The following PCDH7 variants were observed in gnomAD, a reference collection of about 807,000 sequenced individuals.
PCDH7 encodes the protein protocadherin-7.
Under a neutral mutation model 58.9 loss-of-function variants are expected in PCDH7, and 17 were observed. The ratio of observed to expected loss-of-function variants is 0.29; its 90% CI spans 0.20 to 0.43. The LOEUF (loss-of-function observed/expected upper bound fraction) is 0.43. Among genes scored for constraint, PCDH7 ranks in the 20% least tolerant of loss-of-function variants. The pLI is 1.00. For synonymous variants in PCDH7, 664 were observed against 616.4 expected (o/e 1.08, Z -1.14); for missense variants, 1,274 against 1,441.0 (o/e 0.88, Z 1.88).
At chr4:31,079,364 A>ATG in intron 3 of PCDH7, among the ~76,000 whole-genome samples, 1 of 93,208 alleles carries the variant, frequency 1.1e-5, no homozygotes, top group Non-Finnish European at 2.1e-5. Flanking sequence ...ATATATATAT[A>ATG]CACCACATTT....
intron 3 of PCDH7, among the ~76,000 whole-genome samples, chr4:31,088,125 A>T (rs1712715880): frequency 1.3e-5 from 2 of 152,142 alleles, no homozygotes; most frequent in African/African-American, 4.8e-5. Flanking sequence ...TATATTGTTT[A>T]TTCAAAAAGC....
intron 2 of PCDH7, among the ~76,000 whole-genome samples, chr4:30,942,280 TTG>T (rs1397046031): frequency 6.6e-6 from 1 of 152,000 alleles, no homozygotes; most frequent in Non-Finnish European, 1.5e-5. Context: ...CTACATTGAA[TTG>T]TGTTAGTAAA....
chr4:30,806,558 C>T (rs567399499), intron 1 of PCDH7, among the ~76,000 whole-genome samples: 1 of 151,978 alleles, frequency 6.6e-6, no homozygotes, highest in African/African-American at 2.4e-5. Context: ...CCTGCCTCGG[C>T]TTCCCAAAGT....
intron 3 of PCDH7, among the ~76,000 whole-genome samples, chr4:31,090,706 AT>A (rs1293599643): frequency 2.0e-5 from 3 of 152,066 alleles, no homozygotes; most frequent in African/African-American, 7.2e-5. Flanking sequence ...CAACTTTCAT[AT>A]ATTTTGATCA....
chr4:30,808,281 T>G (rs965543438), intron 1 of PCDH7, among the ~76,000 whole-genome samples: 3 of 152,362 alleles, frequency 2.0e-5, no homozygotes, highest in Admixed American at 1.3e-4. Flanking sequence ...GTAATTTTTC[T>G]TAATGGATTT....
chr4:30,968,314 ATACAC>A (rs1283410621), intron 3 of PCDH7, among the ~76,000 whole-genome samples: 1,529 of 62,556 alleles, frequency 0.024, 76 homozygotes, highest in Admixed American at 0.071. Context: ...ATATATATAT[ATACAC>A]TATATATATA....
At position 31,117,332 on chromosome 4, in the gene PCDH7, T is replaced by C. The variant is rs559156095; in HGVS notation, c.*8-25141T>C. On this transcript the variant is annotated intron_variant, in intron 3 of 3. Transcript: ENST00000509759. ...CATGATTCCAAGTCAATTCAGCAAA[T>C]GGGTGCTGTACCCTAGAGCTTTTTT... is the stretch of plus-strand genomic sequence containing the variant. Among the ~76,000 whole-genome samples, 103 of 152,306 alleles carry C rather than the reference T, an allele frequency of 6.8e-4. 1 individual carries two copies. Among genetic ancestry groups the C allele is most frequent in the African/African-American group, 2.3e-3 (97 of 41,576 alleles).
intron 1 of PCDH7, among the ~76,000 whole-genome samples, chr4:30,773,442 A>C (rs925167705): frequency 6.6e-6 from 1 of 152,070 alleles, no homozygotes; most frequent in Non-Finnish European, 1.5e-5. Context: ...ACCTCTCATA[A>C]TCATACATTG....
At chr4:31,033,439 G>A (rs372301255) in intron 3 of PCDH7, among the ~76,000 whole-genome samples, 35 of 152,266 alleles carry the variant, frequency 2.3e-4, no homozygotes, top group Admixed American at 5.9e-4. Flanking sequence ...ATAACAAAAT[G>A]GAGTAAGAGG....
intron 1 of PCDH7, among the ~76,000 whole-genome samples, chr4:30,872,274 G>A (rs1240154022): frequency 6.6e-6 from 1 of 151,924 alleles, no homozygotes; most frequent in Non-Finnish European, 1.5e-5. Context: ...CTTAGACCAG[G>A]GATCAGAAAA....
At chr4:30,746,876 C>T (rs1467796517) in intron 1 of PCDH7, among the ~76,000 whole-genome samples, 1 of 152,042 alleles carries the variant, frequency 6.6e-6, no homozygotes, top group African/African-American at 2.4e-5. Flanking sequence ...ATCTAGAAAA[C>T]CATAAATAGG....
rs988318887 is a variant in PCDH7, at chr4:30,722,488, C to G, written c.1066C>G (p.Arg356Gly). The stretch of plus-strand genomic sequence containing the variant: ...CGGGGCGGCCACCGAGTCGGTGAGG[C>G]GGCTGCTGCGCCTTGACGAGACGTC... The change falls in exon 1 of 2, where the codon CGG (arginine) becomes GGG (glycine). Residue 356 changes from arginine to glycine, a missense_variant. Arg to Gly is a moderately radical substitution (Grantham distance 125). Around this residue, in one of 3 missense-constraint regions of PCDH7, gnomAD observed 331 missense variants for 303.2 expected, o/e 1.09. Coordinates refer to ENST00000361762, the Ensembl canonical transcript of PCDH7. The surrounding 1 kb of genome is among the most constrained non-coding windows in gnomAD (Gnocchi z 7.6). 10 of 1,608,786 alleles carry G rather than the reference C, an allele frequency of 6.2e-6. No homozygotes were observed. The highest frequency in any genetic ancestry group is 1.7e-5 in the Admixed American group (1 of 59,604).
At chr4:31,100,584 A>G (rs1714773253) in intron 3 of PCDH7, among the ~76,000 whole-genome samples, 1 of 152,184 alleles carries the variant, frequency 6.6e-6, no homozygotes, top group Non-Finnish European at 1.5e-5. Context: ...TATCTTAGGA[A>G]CAATCTGGTT....
In PCDH7 at chr4:30,722,780, G is replaced by A; in HGVS notation, c.1358G>A (p.Gly453Asp). 6.2e-7 allele frequency: 1 copy of A among 1,613,630 alleles called. No homozygotes were observed. The highest frequency in any genetic ancestry group is 1.6e-4 in the Middle Eastern group (1 of 6,062). Residue 453 changes from glycine to aspartate, a missense_variant, in exon 1 of 2, where the codon GGC (glycine) becomes GAC (aspartate). By Grantham distance (94) the Gly-to-Asp change is moderately conservative. Around this residue, in one of 3 missense-constraint regions of PCDH7, gnomAD observed 731 missense variants for 881.9 expected, o/e 0.83. Coordinates refer to ENST00000361762, the Ensembl canonical transcript of PCDH7. The surrounding 1 kb of genome is among the most constrained non-coding windows in gnomAD (Gnocchi z 7.6). ...GTGCAGGTGTCCGACCGAGACCAAG[G>A]CGAGAACGGGGTGGTCACCTGCACC...
intron 1 of PCDH7, among the ~76,000 whole-genome samples, chr4:30,859,193 TG>T (rs1243994687): frequency 6.6e-6 from 1 of 152,196 alleles, no homozygotes; most frequent in Non-Finnish European, 1.5e-5. Flanking sequence ...TCTAAAACTG[TG>T]GTTTTCATCC....
At chr4:31,146,427 T>C (rs560405656), downstream of PCDH7, 3 of 152,182 alleles carry the variant, frequency 2.0e-5, no homozygotes, top group South Asian at 6.2e-4. Context: ...TCTTGTGAGT[T>C]GTGACCTAGG....
In PCDH7 at chr4:31,142,534, T is replaced by C. The variant is rs757138517; in HGVS notation, c.*69T>C. ...AGTGCACTCGTGAGTGTGATGAGTA[T>C]GGCCACTCAGACTCCTGCTGGATGC... On this transcript the variant is annotated 3_prime_UTR_variant, in exon 4 of 4. Coordinates refer to the PCDH7 transcript ENST00000509759. 3.7e-6 allele frequency: 5 copies of C among 1,367,616 alleles called. No homozygotes were observed. In the East Asian group the frequency reaches 1.8e-4, roughly 50 times the overall value. The allele number at this position is 1,367,616 out of a possible 1,614,324, so 84.7% of individuals were successfully genotyped here.
chr4:30,802,538 A>G (rs1022094476), intron 1 of PCDH7, among the ~76,000 whole-genome samples: 24 of 152,146 alleles, frequency 1.6e-4, no homozygotes, highest in African/African-American at 5.6e-4. Context: ...GTGGAATCAA[A>G]AAGTCAGATG....
At chr4:30,835,353 T>A (rs547760243) in intron 1 of PCDH7, among the ~76,000 whole-genome samples, 3 of 152,102 alleles carry the variant, frequency 2.0e-5, no homozygotes, top group African/African-American at 7.2e-5. Flanking sequence ...CATTAGATTT[T>A]CACAGGAGTG....
Sources: gnomAD v4.1 joint callset for allele counts (sites outside exome capture counted in the v4.1 genomes callset) on GRCh38, gnomAD v4.1.1 for gene constraint, gnomAD v4.1.1 regional missense constraint, Gnocchi (gnomAD v3.1) non-coding constraint, MANE v1.5 for transcripts, NCBI Gene and HGNC (gene_info 2026-07-23, HGNC 2026-07-21) for gene names.